The following PLPPR1 variants were observed in gnomAD, a reference collection of about 807,000 sequenced individuals.
The protein encoded by PLPPR1 is phospholipid phosphatase related 1.
Under a neutral mutation model 33.1 loss-of-function variants are expected in PLPPR1, and 10 were observed. The ratio of observed to expected loss-of-function variants is 0.30; its 90% CI spans 0.19 to 0.51. The LOEUF (loss-of-function observed/expected upper bound fraction) is 0.51, where lower values mean the gene tolerates loss of function less well. Among genes scored for constraint, PLPPR1 ranks in the 20% least tolerant of loss-of-function variants. PLPPR1 has a pLI of 0.97. For synonymous variants in PLPPR1, 151 were observed against 151.0 expected (o/e 1.00, Z 0.00); for missense variants, 304 against 408.1 (o/e 0.74, Z 2.20).
intron 1 of PLPPR1, among the ~76,000 whole-genome samples, chr9:101,034,635 GATGGATCCC>G (rs1393537549): frequency 6.6e-6 from 1 of 152,164 alleles, no homozygotes; most frequent in Non-Finnish European, 1.5e-5. Context: ...CTGCTTTTAA[GATGGATCCC>G]ATTGCAGAGG....
intron 1 of PLPPR1, among the ~76,000 whole-genome samples, chr9:101,151,795 C>G (rs1325206214): frequency 1.3e-5 from 2 of 152,176 alleles, no homozygotes. Flanking sequence ...TAAAGCACTA[C>G]TATAAATCCA....
At chr9:101,216,709 A>G (rs1468077944) in intron 2 of PLPPR1, among the ~76,000 whole-genome samples, 1 of 152,230 alleles carries the variant, frequency 6.6e-6, no homozygotes, top group Non-Finnish European at 1.5e-5. Context: ...TGTCAACATC[A>G]GCACCATTGA....
intron 1 of PLPPR1, among the ~76,000 whole-genome samples, chr9:101,036,205 G>A (rs1468119839): frequency 6.6e-6 from 1 of 152,138 alleles, no homozygotes. Flanking sequence ...TTTCCACAAA[G>A]GATACATCCT....
chr9:101,156,432 C>T (rs1831686870), intron 1 of PLPPR1, among the ~76,000 whole-genome samples: 2 of 151,260 alleles, frequency 1.3e-5, no homozygotes, highest in South Asian at 2.1e-4. Context: ...TGCCTGTGGT[C>T]CCAACTATTT....
In PLPPR1 at chr9:101,098,385, A is replaced by G. The variant is rs74808616; in HGVS notation, c.-46+69283A>G. 5.1e-3 allele frequency among the ~76,000 whole-genome samples: 769 copies of G among 152,234 alleles called. 1 individual carries two copies. Among genetic ancestry groups the G allele is most frequent in the Non-Finnish European group, 8.1e-3 (548 of 67,990 alleles). On this transcript the variant is annotated intron_variant, in intron 1 of 7. Transcript: ENST00000374874. ...ATGCATTTGATATCAGACACAGTCA[A>G]TCGAGGCACTTCTGCAACATTCAGA...
At chr9:101,196,305 T>TA (rs1236543992) in intron 2 of PLPPR1, among the ~76,000 whole-genome samples, 2 of 152,182 alleles carry the variant, frequency 1.3e-5, no homozygotes, top group Non-Finnish European at 2.9e-5. Context: ...GGATGAAATA[T>TA]AAAATGGCAG....
chr9:101,104,486 C>G (rs946406940), intron 1 of PLPPR1, among the ~76,000 whole-genome samples: 87 of 118,478 alleles, frequency 7.3e-4, no homozygotes, highest in South Asian at 2.0e-3. Flanking sequence ...CCTTGCATCC[C>G]AGGGATGAAG....
Position 101,040,793 on chromosome 9 carries a change from C to T in PLPPR1, c.-46+11691C>T, listed in dbSNP as rs369777590. Among the ~76,000 whole-genome samples the T allele has an allele frequency of 7.9e-5, 12 of 152,080 alleles. No homozygotes were observed. In the East Asian group the frequency reaches 1.2e-3, roughly 15 times the overall value. On this transcript the variant is annotated intron_variant, in intron 1 of 7. Transcript: ENST00000374874. ...TTGTTTATTTGTGACCGGCCTCCTT[C>T]TACTATGTAAGCATCATAAGATGAG...
chr9:101,179,910 G>T (rs1801946244), intron 1 of PLPPR1, among the ~76,000 whole-genome samples: 1 of 151,492 alleles, frequency 6.6e-6, no homozygotes, highest in African/African-American at 2.4e-5. Context: ...AACTTGAAAA[G>T]GTTAGACTGG....
chr9:101,278,006 G>A (rs1451100039), intron 3 of PLPPR1, among the ~76,000 whole-genome samples: 1 of 152,138 alleles, frequency 6.6e-6, no homozygotes, highest in African/African-American at 2.4e-5. Context: ...GGAGAGAGCT[G>A]AGATTTCAAC....
At chr9:101,209,301 G>A (rs144179082) in intron 2 of PLPPR1, among the ~76,000 whole-genome samples, 248 of 152,338 alleles carry the variant, frequency 1.6e-3, no homozygotes, top group Middle Eastern at 0.014. Context: ...AACTAAGCAT[G>A]AGGTCTGTGG....
chr9:101,085,515 T>G (rs1417697843), intron 1 of PLPPR1, among the ~76,000 whole-genome samples: 1 of 151,860 alleles, frequency 6.6e-6, no homozygotes, highest in Non-Finnish European at 1.5e-5. Flanking sequence ...ATAATCATAA[T>G]CCTAAACATA....
At chr9:101,162,789 A>T (rs1373454037) in intron 1 of PLPPR1, among the ~76,000 whole-genome samples, 1 of 152,090 alleles carries the variant, frequency 6.6e-6, no homozygotes, top group Admixed American at 6.6e-5. Flanking sequence ...GGTTGTCCAG[A>T]TGGGTTTGTT....
In PLPPR1 at chr9:101,260,725, A is replaced by G. The variant is rs534321690; in HGVS notation, c.64-9155A>G. The stretch of plus-strand genomic sequence containing the variant: ...GGTGGTCAGGAGAAAACCCAGAGCT[A>G]CAAATGATGATAGGAGAGTCAATGG... On this transcript the variant is annotated intron_variant, in intron 2 of 7. Coordinates refer to ENST00000374874, the MANE Select transcript of PLPPR1 (RefSeq NM_207299.2). 6.6e-5 allele frequency among the ~76,000 whole-genome samples: 10 copies of G among 152,250 alleles called. No individual in the cohort carries two copies. The East Asian group carries it at 1.9e-3, about 29-fold the overall frequency.
intron 4 of PLPPR1, among the ~76,000 whole-genome samples, chr9:101,296,908 G>C (rs1177866817): frequency 4.0e-5 from 6 of 151,810 alleles, no homozygotes; most frequent in Admixed American, 3.9e-4. Context: ...TAACTAACCT[G>C]CACATTGTGC....
At chr9:101,161,411 A>C (rs181050158) in intron 1 of PLPPR1, among the ~76,000 whole-genome samples, 41 of 152,280 alleles carry the variant, frequency 2.7e-4, no homozygotes, top group African/African-American at 9.9e-4. Flanking sequence ...GGAACTCATT[A>C]GGTTTTACTT....
intron 2 of PLPPR1, among the ~76,000 whole-genome samples, chr9:101,195,822 G>A (rs569579852): frequency 6.6e-6 from 1 of 152,134 alleles, no homozygotes; most frequent in Non-Finnish European, 1.5e-5. Flanking sequence ...TAGCATTACA[G>A]TACTTTAAAC....
intron 1 of PLPPR1, among the ~76,000 whole-genome samples, chr9:101,065,264 A>G (rs539185280): frequency 2.0e-5 from 3 of 152,160 alleles, no homozygotes; most frequent in Non-Finnish European, 4.4e-5. Context: ...TAGCTGAGGT[A>G]TGTATGTATT....
At chr9:101,056,435 A>G (rs75719979) in intron 1 of PLPPR1, among the ~76,000 whole-genome samples, 2 of 152,132 alleles carry the variant, frequency 1.3e-5, no homozygotes, top group Non-Finnish European at 2.9e-5. Flanking sequence ...TAAAAAAAAA[A>G]TCAAAGAGAT....
Sources: gnomAD v4.1 joint callset for allele counts (sites outside exome capture counted in the v4.1 genomes callset) on GRCh38, gnomAD v4.1.1 for gene constraint, MANE v1.5 for transcripts, NCBI Gene and HGNC (gene_info 2026-07-23, HGNC 2026-07-21) for gene names.